Variants in TNS1 observed in about 807,000 individuals in gnomAD.
TNS1 encodes the protein tensin-1.
Under a neutral mutation model 168.6 loss-of-function variants are expected in TNS1, and 62 were observed. The observed-to-expected ratio is 0.37, with a 90% confidence interval of 0.30 to 0.45. The LOEUF (loss-of-function observed/expected upper bound fraction) is 0.45, where lower values mean the gene tolerates loss of function less well. Among genes scored for constraint, TNS1 ranks in the 20% least tolerant of loss-of-function variants. TNS1 has a pLI of 1.00. For missense variants in TNS1, 2,240 were observed against 2,339.4 expected (o/e 0.96, Z 0.88); for synonymous variants, 934 against 933.2 (o/e 1.00, Z -0.02).
intron 18 of TNS1, among the ~76,000 whole-genome samples, chr2:217,862,867 A>G (rs1027445903): frequency 2.0e-5 from 3 of 152,212 alleles, no homozygotes; most frequent in Non-Finnish European, 4.4e-5. Flanking sequence ...AAAGTAGGAT[A>G]TTGGTGGACA....
intron 1 of TNS1, among the ~76,000 whole-genome samples, chr2:218,009,817 G>A (rs1399672002): frequency 9.9e-5 from 15 of 152,174 alleles, no homozygotes; most frequent in Admixed American, 9.8e-4. Flanking sequence ...ACAGACTCCG[G>A]GGCTATCCTT....
chr2:217,839,561 C>T (rs1377254061), intron 19 of TNS1, among the ~76,000 whole-genome samples: 4 of 152,244 alleles, frequency 2.6e-5, no homozygotes, highest in East Asian at 1.9e-4. Context: ...GACACACACA[C>T]GCACACACAC....
At chr2:217,921,052 G>T (rs1489997392) in intron 3 of TNS1, among the ~76,000 whole-genome samples, 2 of 151,796 alleles carry the variant, frequency 1.3e-5, no homozygotes, top group Non-Finnish European at 2.9e-5. Context: ...TAGAGGGGAG[G>T]GAGGGAAGGC....
intron 18 of TNS1, among the ~76,000 whole-genome samples, chr2:217,849,305 G>A (rs550388489): frequency 2.0e-5 from 3 of 152,294 alleles, no homozygotes; most frequent in East Asian, 3.9e-4. Context: ...CTTCAGGGCC[G>A]GGCAGTGGAG....
intron 3 of TNS1, among the ~76,000 whole-genome samples, chr2:217,928,284 C>T (rs1201999176): frequency 6.6e-6 from 1 of 152,240 alleles, no homozygotes; most frequent in Non-Finnish European, 1.5e-5. Context: ...GGCTGAGCCT[C>T]AGGCCCTCAG....
At chr2:218,014,921 A>AAGGC (rs1175728124), upstream of TNS1, among the ~76,000 whole-genome samples, 661 of 76,212 alleles carry the variant, frequency 8.7e-3, 3 homozygotes, top group Middle Eastern at 0.019. Context: ...GGAAGGAAGG[A>AAGGC]AGGCAGGCAG....
At chr2:217,900,364 G>T in intron 7 of TNS1, 99 bp downstream of exon 7, 1 of 1,373,066 alleles carries the variant, frequency 7.3e-7, no homozygotes, top group Non-Finnish European at 9.9e-7. Flanking sequence ...TGGCTTTATG[G>T]CTGCAGTCCG....
rs1310273628 is a variant in TNS1, at chr2:217,821,747, C to G, written c.3565G>C (p.Ala1189Pro). 1 of 1,475,178 alleles carries G rather than the reference C, an allele frequency of 6.8e-7. No homozygotes were observed. Among genetic ancestry groups the G allele is most frequent in the East Asian group, 2.6e-5 (1 of 39,160 alleles). 91.4% of individuals were successfully genotyped at this position (1,475,178 alleles called of 1,614,324 possible). A position where few individuals can be genotyped will look rare whatever the true frequency, so the allele number is the denominator to read the frequency against. The change falls in exon 23 of 33, where the codon GCT becomes CCT. Residue 1189 changes from alanine (A) to proline (P), a missense_variant. Transcript: ENST00000682258. ...PLSTSSPILS[A>P]DSTSVGSFPS... ...TGCCCCTTCCCGGCTTACCTGTCAG[C>G]ACTGAGGATGGGGCTGCTGGTGGAG...
chr2:217,877,737 G>A (rs1644779775), intron 18 of TNS1, among the ~76,000 whole-genome samples: 1 of 152,232 alleles, frequency 6.6e-6, no homozygotes, highest in Admixed American at 6.5e-5. Context: ...TGATGGTTAA[G>A]TCAGGGGCAG....
At chr2:217,993,683 C>T (rs917001589) in intron 1 of TNS1, among the ~76,000 whole-genome samples, 2 of 152,254 alleles carry the variant, frequency 1.3e-5, no homozygotes, top group Admixed American at 1.3e-4. Flanking sequence ...GAACCAGATT[C>T]TGTTGATGCC....
chr2:217,869,137 A>C (rs961714185), intron 18 of TNS1, among the ~76,000 whole-genome samples: 1 of 152,232 alleles, frequency 6.6e-6, no homozygotes, highest in Non-Finnish European at 1.5e-5. Context: ...TCAGACAGAA[A>C]GCAGGGACTC....
chr2:217,944,230 G>T (rs988405219), intron 3 of TNS1: 1 of 152,332 alleles, frequency 6.6e-6, no homozygotes, highest in African/African-American at 2.4e-5. Flanking sequence ...ACTCTAGCTG[G>T]CTCTGGGAAG....
chr2:217,882,372 A>T lies in TNS1; in HGVS notation c.1286T>A (p.Phe429Tyr). The change falls in exon 17 of 33, where the codon TTT (phenylalanine) becomes TAT (tyrosine). Residue 429 changes from phenylalanine (F) to tyrosine (Y), a missense_variant. Around this residue, in one of 2 missense-constraint regions of TNS1, gnomAD observed 2,131 missense variants for 2,171.2 expected, o/e 0.98. Transcript: ENST00000682258. Reference sequence around the variant, plus strand: ...TTGAATTTTCTCTGGCCCATAAGAAAATACAAACTCCACTTTGCCATACTC... The same window carrying T: ...TTGAATTTTCTCTGGCCCATAAGAATATACAAACTCCACTTTGCCATACTC... Reference protein sequence around the residue: ...FPEYGKVEFVFSYGPEKIQGM... With the variant: ...FPEYGKVEFVYSYGPEKIQGM... 1 of 1,606,602 alleles carries T rather than the reference A, an allele frequency of 6.2e-7. No homozygotes were observed. Among genetic ancestry groups the T allele is most frequent in the Non-Finnish European group, 8.5e-7 (1 of 1,177,932 alleles).
rs577364548 is a variant in TNS1, at chr2:217,908,219, G to A, written c.229-968C>T. 1.2e-4 allele frequency among the ~76,000 whole-genome samples: 19 copies of A among 152,214 alleles called. 1 individual carries two copies. Among genetic ancestry groups the A allele is most frequent in the Non-Finnish European group, 2.2e-4 (15 of 68,014 alleles). On this transcript the variant is annotated intron_variant, in intron 4 of 32. Transcript: ENST00000682258. ...GTTGGCTGATCCCATCCCTCACTCT[G>A]GCACCCTCCTTTCTTCACTCAGGGC... is the stretch of plus-strand genomic sequence containing the variant.
intron 23 of TNS1, among the ~76,000 whole-genome samples, 164 bp from the exon 24 acceptor site, chr2:217,818,923 CAGA>C (rs1201614547): frequency 6.6e-6 from 1 of 152,200 alleles, no homozygotes; most frequent in African/African-American, 2.4e-5. Context: ...ACAGAACCAT[CAGA>C]AGAAGAAACT....
At chr2:217,954,831 A>G (rs538356832) in intron 3 of TNS1, among the ~76,000 whole-genome samples, 1 of 152,286 alleles carries the variant, frequency 6.6e-6, no homozygotes, top group South Asian at 2.1e-4. Context: ...TCCTGCACAC[A>G]TGGTGCCCAC....
intron 3 of TNS1, among the ~76,000 whole-genome samples, chr2:217,930,532 G>A (rs945195870): frequency 6.6e-6 from 1 of 152,222 alleles, no homozygotes; most frequent in African/African-American, 2.4e-5. Context: ...CCAATGTCCA[G>A]GACCCTGGAG....
At chr2:217,842,356 T>C (rs1946090731) in intron 19 of TNS1, among the ~76,000 whole-genome samples, 1 of 116,716 alleles carries the variant, frequency 8.6e-6, no homozygotes, top group Non-Finnish European at 1.7e-5. Context: ...AGTGTTCCCC[T>C]GAAACTGCTC....
intron 3 of TNS1, among the ~76,000 whole-genome samples, chr2:217,963,519 G>A (rs908740272): frequency 6.6e-6 from 1 of 152,160 alleles, no homozygotes; most frequent in African/African-American, 2.4e-5. Context: ...CTGCGCACTT[G>A]AGAAAATGGC....
Sources: allele counts gnomAD v4.1 joint callset (sites outside exome capture counted in the v4.1 genomes callset), GRCh38; gene constraint gnomAD v4.1.1; regional missense constraint gnomAD v4.1.1; transcripts MANE v1.5; gene names NCBI Gene and HGNC (gene_info 2026-07-23, HGNC 2026-07-21).